CNTN4: variants seen among roughly 807,000 people sequenced by gnomAD.
The protein encoded by CNTN4 is contactin 4.
In CNTN4, 77 loss-of-function variants were observed where a neutral mutation model predicts 122.5. The observed-to-expected ratio is 0.63, with a 90% CI of 0.52 to 0.76. The LOEUF (loss-of-function observed/expected upper bound fraction) is 0.76. Among genes scored for constraint, CNTN4 ranks in the 30% least tolerant of loss-of-function variants. The pLI is 0.00. For missense variants in CNTN4, 1,256 were observed against 1,259.1 expected (o/e 1.00, Z 0.04); for synonymous variants, 512 against 447.0 (o/e 1.15, Z -1.83).
At chr3:2,776,628 C>T (rs960288048) in intron 6 of CNTN4, among the ~76,000 whole-genome samples, 11 of 152,148 alleles carry the variant, frequency 7.2e-5, no homozygotes, top group Non-Finnish European at 1.6e-4. Flanking sequence ...CTGTAAACTT[C>T]TTGAGGAAAG....
At chr3:2,501,804 C>T (rs1032827601) in intron 3 of CNTN4, among the ~76,000 whole-genome samples, 7 of 152,116 alleles carry the variant, frequency 4.6e-5, no homozygotes, top group Admixed American at 1.3e-4. Flanking sequence ...CCCAAATCCT[C>T]CCAAATCTGA....
chr3:2,765,915 G>C (rs2090836988), intron 6 of CNTN4, among the ~76,000 whole-genome samples: 1 of 152,160 alleles, frequency 6.6e-6, no homozygotes, highest in African/African-American at 2.4e-5. Flanking sequence ...TGCTGGAAAG[G>C]ACAAATCACC....
chr3:2,946,027 T>C (rs2094674219), intron 13 of CNTN4, among the ~76,000 whole-genome samples: 1 of 152,208 alleles, frequency 6.6e-6, no homozygotes, highest in Non-Finnish European at 1.5e-5. Context: ...GATGTATATC[T>C]TTTCCTGTAG....
chr3:2,243,948 A>G (rs2040041201), intron 2 of CNTN4, among the ~76,000 whole-genome samples: 1 of 152,030 alleles, frequency 6.6e-6, no homozygotes, highest in Non-Finnish European at 1.5e-5. Context: ...AGCAGAATGT[A>G]TCTTTGAAGA....
chr3:2,996,451 C>T (rs554208039), intron 14 of CNTN4, among the ~76,000 whole-genome samples: 3 of 152,096 alleles, frequency 2.0e-5, no homozygotes, highest in African/African-American at 7.2e-5. Flanking sequence ...TTAACCCATC[C>T]CATACAAATA....
chr3:2,139,476 C>A (rs2727916), intron 2 of CNTN4, among the ~76,000 whole-genome samples: 76,717 of 152,008 alleles, frequency 0.5, 19,595 homozygotes, highest in East Asian at 0.61. Context: ...ATTTTCATGA[C>A]GCACATTTTA....
chr3:2,862,813 C>T (rs987920472), intron 7 of CNTN4, among the ~76,000 whole-genome samples: 2 of 152,034 alleles, frequency 1.3e-5, no homozygotes, highest in Non-Finnish European at 2.9e-5. Flanking sequence ...CTTCATGTAA[C>T]CCAATGGATT....
intron 8 of CNTN4, among the ~76,000 whole-genome samples, chr3:2,874,455 G>C (rs894317762): frequency 2.8e-4 from 43 of 152,094 alleles, no homozygotes; most frequent in African/African-American, 9.9e-4. Context: ...GAGTTGACTT[G>C]GGGCATTCTT....
chr3:2,866,894 C>A lies in CNTN4; in HGVS notation c.597C>A (p.Thr199=), dbSNP rs145596001. 6.2e-7 allele frequency: 1 copy of A among 1,613,882 alleles called. No homozygotes were observed. The highest frequency in any genetic ancestry group is 1.7e-5 in the Admixed American group (1 of 59,992). The stretch of plus-strand genomic sequence containing the variant: ...ATTATACCTGTGTGGTTACCAATAC[C>A]GTGACAAACCACAAGGTCCTGGGGC... ...VGNYTCVVTN[T]VTNHKVLGPP... Residue 199 remains threonine (T), a synonymous_variant, in exon 8 of 25, where the codon ACC becomes ACA. Coordinates refer to ENST00000418658, the MANE Select transcript of CNTN4 (RefSeq NM_175607.3).
chr3:2,476,325 G>T (rs1302198499), intron 3 of CNTN4, among the ~76,000 whole-genome samples: 1 of 152,146 alleles, frequency 6.6e-6, no homozygotes, highest in African/African-American at 2.4e-5. Context: ...TCCACTGCAG[G>T]ATCTTGAGTA....
intron 4 of CNTN4, among the ~76,000 whole-genome samples, chr3:2,625,917 A>G (rs926752708): frequency 2.0e-5 from 3 of 152,178 alleles, no homozygotes; most frequent in East Asian, 3.9e-4. Flanking sequence ...TTGTTCTACC[A>G]GTATCGAATT....
rs565588914 is a variant in CNTN4, at chr3:2,384,039, A to C, written c.-89+44806A>C. ...CACATCTCTAATTCACCCTTGAAAA[A>C]ATTATATTCTCTGAAGTTGGCTTTT... On this transcript the variant is annotated intron_variant, in intron 3 of 24. Transcript: ENST00000418658. Among the ~76,000 whole-genome samples, 10 of 152,252 alleles carry C rather than the reference A, an allele frequency of 6.6e-5. No homozygotes were observed. The South Asian group carries it at 2.1e-3, about 32-fold the overall frequency.
At chr3:2,575,326 A>C (rs1331597002) in intron 4 of CNTN4, among the ~76,000 whole-genome samples, 1 of 152,120 alleles carries the variant, frequency 6.6e-6, no homozygotes, top group Non-Finnish European at 1.5e-5. Context: ...AGTGTGGCCA[A>C]CATGGCGAAA....
chr3:2,690,144 G>A (rs987832760), intron 4 of CNTN4, among the ~76,000 whole-genome samples: 1 of 152,130 alleles, frequency 6.6e-6, no homozygotes, highest in African/African-American at 2.4e-5. Flanking sequence ...GTTTTCCAAA[G>A]TAAATTTATA....
At chr3:2,355,297 C>T (rs1044273754) in intron 3 of CNTN4, among the ~76,000 whole-genome samples, 1 of 152,146 alleles carries the variant, frequency 6.6e-6, no homozygotes, top group Non-Finnish European at 1.5e-5. Flanking sequence ...GCTAAAATTA[C>T]AATGTTGATC....
intron 3 of CNTN4, among the ~76,000 whole-genome samples, chr3:2,416,513 A>T (rs1020488463): frequency 6.6e-6 from 1 of 152,182 alleles, no homozygotes; most frequent in Non-Finnish European, 1.5e-5. Context: ...GCTTCCCCAA[A>T]ATGGAATATT....
intron 13 of CNTN4, among the ~76,000 whole-genome samples, chr3:2,931,281 G>A (rs1188795812): frequency 6.6e-6 from 1 of 152,162 alleles, no homozygotes; most frequent in Non-Finnish European, 1.5e-5. Context: ...CTAGTAAGTA[G>A]AAGGATTGAA....
At chr3:3,036,838 A>G (rs1366540151) in intron 17 of CNTN4, among the ~76,000 whole-genome samples, 1 of 152,166 alleles carries the variant, frequency 6.6e-6, no homozygotes, top group East Asian at 1.9e-4. Context: ...TTCTCAGAGG[A>G]TAGTTGAAAT....
At chr3:2,814,158 T>C (rs746044615) in intron 6 of CNTN4, among the ~76,000 whole-genome samples, 21 of 152,240 alleles carry the variant, frequency 1.4e-4, no homozygotes, top group African/African-American at 4.6e-4. Flanking sequence ...GAAAAAGTTA[T>C]GTAAAATGCT....
Sources: gnomAD v4.1 joint callset for allele counts (sites outside exome capture counted in the v4.1 genomes callset) on GRCh38, gnomAD v4.1.1 for gene constraint, MANE v1.5 for transcripts, NCBI Gene and HGNC (gene_info 2026-07-23, HGNC 2026-07-21) for gene names.